Variants in HEPACAM2 observed in about 807,000 individuals in gnomAD.
The protein encoded by HEPACAM2 is mitotic kinetics regulator.
HEPACAM2 carries 49 observed loss-of-function variants against 49.6 expected under a neutral mutation model. The ratio of observed to expected loss-of-function variants is 0.99; its 90% CI spans 0.78 to 1.25. HEPACAM2 has a LOEUF of 1.25. HEPACAM2 is among the 50% of genes most tolerant of loss of function. HEPACAM2 has a pLI of 0.00. For missense variants in HEPACAM2, 525 were observed against 557.2 expected, an observed-to-expected ratio of 0.94 and a Z score of 0.58; for synonymous variants, 197 against 202.9, an observed-to-expected ratio of 0.97 and a Z score of 0.25.
chr7:93,216,824 A>G (rs1180746743), intron 2 of HEPACAM2, among the ~76,000 whole-genome samples: 1 of 152,174 alleles, frequency 6.6e-6, no homozygotes, highest in Non-Finnish European at 1.5e-5. Flanking sequence ...TTAGACTTCA[A>G]TTTCCTTTCA....
Position 93,188,640 on chromosome 7 carries a change from A to G in HEPACAM2, c.*627T>C, listed in dbSNP as rs1793457220. ...ATCCATCTTTCCTTGAAAAAAATAAAAATAAGACTTTAATAGTCATTTCCT... is the reference window on the plus strand; with the variant it reads ...ATCCATCTTTCCTTGAAAAAAATAAGAATAAGACTTTAATAGTCATTTCCT... On this transcript the variant is annotated 3_prime_UTR_variant, in exon 10 of 10. Transcript: ENST00000394468. The G allele has an allele frequency of 1.2e-5, 2 of 171,606 alleles. No homozygotes were observed. The highest frequency in any genetic ancestry group is 4.0e-4 in the South Asian group (2 of 5,002). The allele number at this position is 171,606 out of a possible 1,614,324, so 10.6% of individuals were successfully genotyped here.
At chr7:93,201,957 C>A (rs531089979) in intron 4 of HEPACAM2, among the ~76,000 whole-genome samples, 1 of 141,192 alleles carries the variant, frequency 7.1e-6, no homozygotes, top group Non-Finnish European at 1.5e-5. Flanking sequence ...TACTTCACTG[C>A]GGTTGTCAAT....
intron 2 of HEPACAM2, among the ~76,000 whole-genome samples, chr7:93,215,939 A>G (rs1326973472): frequency 6.6e-6 from 1 of 152,164 alleles, no homozygotes; most frequent in Non-Finnish European, 1.5e-5. Context: ...AGGATGGTCT[A>G]ATGAAGCCCT....
intron 1 of HEPACAM2, chr7:93,225,923 A>G: frequency 7.0e-7 from 1 of 1,437,580 alleles, no homozygotes; most frequent in East Asian, 2.5e-5. Flanking sequence ...ATAACTTAAA[A>G]CGAAGCAGTA....
chr7:93,208,662 T>G lies in HEPACAM2; in HGVS notation c.930A>C (p.Thr310=). 7.4e-6 allele frequency: 12 copies of G among 1,613,190 alleles called. No individual in the cohort carries two copies. Among genetic ancestry groups the G allele is most frequent in the Non-Finnish European group, 1.0e-5 (12 of 1,179,420 alleles). ...TGTAAGCACAGCACACATAGTCCATTGTCTTCTGGGCTACTTTCTCAGATG... is the reference window on the plus strand; with the variant it reads ...TGTAAGCACAGCACACATAGTCCATGGTCTTCTGGGCTACTTTCTCAGATG... ...EVASEKVAQK[T]MDYVCCAYNN... The change falls in exon 4 of 10, where the codon ACA becomes ACC. Residue 310 remains threonine (T), a synonymous_variant. Transcript: ENST00000394468.
intron 1 of HEPACAM2, among the ~76,000 whole-genome samples, chr7:93,221,286 A>G (rs1794443911): frequency 6.6e-6 from 1 of 152,162 alleles, no homozygotes; most frequent in Admixed American, 6.5e-5. Flanking sequence ...TCAAGTACAA[A>G]ATGTTCATCC....
intron 1 of HEPACAM2, among the ~76,000 whole-genome samples, chr7:93,223,623 GAA>G (rs1031024479): frequency 4.6e-5 from 7 of 152,188 alleles, no homozygotes; most frequent in Admixed American, 4.6e-4. Context: ...CTTATTAAAT[GAA>G]AAGTTTTTTT....
intron 2 of HEPACAM2, 128 bp from the exon 3 acceptor site, chr7:93,215,813 C>T: frequency 1.1e-6 from 1 of 874,316 alleles, no homozygotes; most frequent in Non-Finnish European, 1.7e-6. Flanking sequence ...ATGTAGACAG[C>T]TCAGGTAATA....
At chr7:93,215,265 T>C in intron 3 of HEPACAM2, 136 bp downstream of exon 3, 1 of 698,416 alleles carries the variant, frequency 1.4e-6, no homozygotes, top group South Asian at 1.9e-5. Context: ...CTAGGAGGTG[T>C]GATTAGAACT....
Position 93,226,416 on chromosome 7 carries a change from C to T in HEPACAM2, c.31G>A (p.Gly11Ser), listed in dbSNP as rs368959999. ...CACTGAAAGACCCCAAGTGTGTCAC[C>T]GAAGGGCTCCATGAAAGCATCCTGT... MGQDAFMEPF[G>S]DTLGVFQCKI... is the part of the protein sequence containing the mutation. The change falls in exon 1 of 10, where the codon GGT becomes AGT. Residue 11 changes from glycine (G) to serine (S), a missense_variant. Physicochemically the swap from Gly to Ser is moderately conservative, Grantham distance 56. Transcript: ENST00000394468. The T allele has an allele frequency of 4.7e-5, 76 of 1,613,590 alleles. No individual in the cohort carries two copies. Among genetic ancestry groups the T allele is most frequent in the Middle Eastern group, 1.6e-4 (1 of 6,062 alleles).
Position 93,197,596 on chromosome 7 carries a change from CA to C in HEPACAM2, c.1026del (p.Ala343HisfsTer10). The C allele has an allele frequency of 1.3e-6, 2 of 1,586,894 alleles. No individual in the cohort carries two copies. Among genetic ancestry groups the C allele is most frequent in the African/African-American group, 2.7e-5 (2 of 73,450 alleles). On this transcript the variant is annotated frameshift_variant, in exon 5 of 10. Transcript: ENST00000394468. LOFTEE classifies it high-confidence loss of function. ...GGTGACAATGATTTTCCTTTCTGTG[CA>C]AGCTTCTCCAGTCCTAAATAAAAAG... ...VIITSVGLEKLAQKGKSLSPL... is the reference protein window; with the variant it reads ...VIITSVGLEKXAQKGKSLSPL...
chr7:93,212,968 C>T (rs1325163511), intron 3 of HEPACAM2, among the ~76,000 whole-genome samples: 2 of 152,018 alleles, frequency 1.3e-5, no homozygotes, highest in Admixed American at 6.6e-5. Flanking sequence ...GAAATGAACC[C>T]TTTGCCTTGG....
intron 2 of HEPACAM2, among the ~76,000 whole-genome samples, chr7:93,217,250 C>A (rs1324286996): frequency 1.3e-5 from 2 of 152,256 alleles, no homozygotes; most frequent in African/African-American, 4.8e-5. Context: ...ATAGGTAACA[C>A]ATCAACAGTT....
intron 1 of HEPACAM2, chr7:93,226,080 T>C (rs1161495780): frequency 1.9e-6 from 1 of 535,920 alleles, no homozygotes; most frequent in Non-Finnish European, 3.3e-6. Flanking sequence ...ATATGTAAAC[T>C]CTAAAAGAAG....
chr7:93,217,876 CTGTG>C (rs138044928), intron 2 of HEPACAM2, among the ~76,000 whole-genome samples: 28,019 of 139,910 alleles, frequency 0.2, 2,720 homozygotes, highest in African/African-American at 0.26. Flanking sequence ...GCATGTGTGT[CTGTG>C]TGTGTGTGTG....
At chr7:93,202,543 T>A (rs936114419) in intron 4 of HEPACAM2, among the ~76,000 whole-genome samples, 1 of 152,132 alleles carries the variant, frequency 6.6e-6, no homozygotes, top group African/African-American at 2.4e-5. Flanking sequence ...CGACTTCATG[T>A]GCTTCAAATC....
intron 4 of HEPACAM2, among the ~76,000 whole-genome samples, chr7:93,202,814 A>G (rs1009288943): frequency 1.1e-4 from 16 of 152,142 alleles, no homozygotes; most frequent in Admixed American, 3.9e-4. Flanking sequence ...TCTCTGCCAG[A>G]CACTTCTGTG....
rs1480736630 is a variant in HEPACAM2, at chr7:93,197,278, C to G, written c.1164G>C (p.Arg388Ser). 2.5e-6 allele frequency: 4 copies of G among 1,610,206 alleles called. No homozygotes were observed. The African/African-American group carries it at 5.4e-5, about 22-fold the overall frequency. ...YKVIKQKLEG[R>S]PETEYRKAQT... The stretch of plus-strand genomic sequence containing the variant: ...GAGCTTTCCTGTATTCTGTTTCTGG[C>G]CTGAAAAGACAAAATAGGTATTTTT... Residue 388 changes from arginine (R) to serine (S), a missense_variant and splice_region_variant, in exon 7 of 10, where the codon AGG (arginine) becomes AGC (serine). Transcript: ENST00000394468.
chr7:93,200,146 C>A (rs75484750), intron 4 of HEPACAM2, among the ~76,000 whole-genome samples: 11,273 of 151,794 alleles, frequency 0.074, 1,430 homozygotes, highest in African/African-American at 0.26. Flanking sequence ...TTTCTCTATT[C>A]CTACTGAGTT....
Sources: gnomAD v4.1 joint callset for allele counts (sites outside exome capture counted in the v4.1 genomes callset) on GRCh38, gnomAD v4.1.1 for gene constraint, MANE v1.5 for transcripts, NCBI Gene and HGNC (gene_info 2026-07-23, HGNC 2026-07-21) for gene names.